Variants in CYB561A3 observed in about 807,000 individuals in gnomAD.
The protein encoded by CYB561A3 is cytochrome b561 family member A3.
Under a neutral mutation model 25.3 loss-of-function variants are expected in CYB561A3, and 16 were observed. That is an observed-to-expected ratio of 0.63 (90% CI 0.43 to 0.96). CYB561A3 has a LOEUF of 0.96. CYB561A3 is among the 40% of genes least tolerant of loss of function. CYB561A3 has a pLI of 0.00. For synonymous variants in CYB561A3, 131 were observed against 129.9 expected (o/e 1.01, Z -0.06); for missense variants, 219 against 307.5 (o/e 0.71, Z 2.15).
At chr11:61,360,388 T>C (rs1857806163) in intron 1 of CYB561A3, 1 of 152,188 alleles carries the variant, frequency 6.6e-6, no homozygotes, top group South Asian at 2.1e-4. Flanking sequence ...AGCAAGCTCT[T>C]CTGTAAAGGT....
At chr11:61,357,321 G>C (rs1212623118) in intron 2 of CYB561A3, 1 of 1,243,610 alleles carries the variant, frequency 8.0e-7, no homozygotes, top group East Asian at 2.6e-5. Context: ...CCTTGAACCA[G>C]CTGATGCCCC....
intron 3 of CYB561A3, 100 bp downstream of exon 3, chr11:61,356,430 C>A: frequency 1.0e-6 from 1 of 966,348 alleles, no homozygotes; most frequent in Non-Finnish European, 1.4e-6. Flanking sequence ...ACCCCCATAG[C>A]CCCAAGCCCA....
At chr11:61,355,049 T>C (rs1022363269) in intron 3 of CYB561A3, among the ~76,000 whole-genome samples, 1 of 152,024 alleles carries the variant, frequency 6.6e-6, no homozygotes, top group Non-Finnish European at 1.5e-5. Flanking sequence ...TTTGTATTTT[T>C]AGTAGAGACG....
chr11:61,354,192 T>G (rs1227344778), intron 3 of CYB561A3, 200 bp from the exon 4 acceptor site: 1 of 629,170 alleles, frequency 1.6e-6, no homozygotes, highest in Non-Finnish European at 2.7e-6. Flanking sequence ...GAAGGGCCAG[T>G]TAAAAAGGGA....
At chr11:61,350,650 C>G (rs1357664098) in intron 6 of CYB561A3, 1 of 614,236 alleles carries the variant, frequency 1.6e-6, no homozygotes, top group Non-Finnish European at 2.8e-6. Flanking sequence ...TCCCACTAGA[C>G]TAGCCCCCAG....
chr11:61,352,770 C>G (rs1403910211), intron 5 of CYB561A3: 24 of 1,403,260 alleles, frequency 1.7e-5, no homozygotes, highest in Non-Finnish European at 2.1e-5. Context: ...TTCTGACACA[C>G]AGCAGGTGCT....
intron 1 of CYB561A3, chr11:61,358,406 G>C (rs1857721203): frequency 7.1e-6 from 1 of 141,396 alleles, no homozygotes; most frequent in Non-Finnish European, 1.5e-5. Flanking sequence ...AGCAATGAGA[G>C]CGAAACTTCA....
intron 3 of CYB561A3, chr11:61,354,739 C>T (rs1411491997): frequency 1.3e-5 from 2 of 152,150 alleles, no homozygotes; most frequent in South Asian, 2.1e-4. Flanking sequence ...TAAAAAGCAT[C>T]ATGACAGTCA....
chr11:61,354,178 G>C (rs1857548245), intron 3 of CYB561A3, 186 bp from the exon 4 acceptor site: 2 of 649,450 alleles, frequency 3.1e-6, no homozygotes, highest in Admixed American at 5.7e-5. Flanking sequence ...ATGAAGGGAG[G>C]AGAGAAGGGC....
At chr11:61,359,515 T>C (rs999223925) in intron 1 of CYB561A3, 7 of 152,158 alleles carry the variant, frequency 4.6e-5, no homozygotes, top group Non-Finnish European at 1.0e-4. Context: ...CAACTGTTTT[T>C]TTTTTCTTTG....
At chr11:61,360,972 T>A (rs1191440215) in intron 1 of CYB561A3, 1 of 106,542 alleles carries the variant, frequency 9.4e-6, no homozygotes, top group African/African-American at 3.4e-5. Context: ...AGTGAGACTC[T>A]GTCTCAGAAA....
intron 4 of CYB561A3, chr11:61,353,435 A>G: frequency 4.7e-6 from 3 of 635,254 alleles, no homozygotes; most frequent in Non-Finnish European, 8.7e-6. Flanking sequence ...CACAGGCCTG[A>G]GATCAGAATA....
intron 3 of CYB561A3, 166 bp from the exon 4 acceptor site, chr11:61,354,158 G>A: frequency 5.6e-6 from 4 of 708,722 alleles, no homozygotes; most frequent in Non-Finnish European, 4.6e-6. Context: ...TGATTTGTGG[G>A]ATAACAGCCA....
At chr11:61,356,503 C>T (rs528972385) in intron 3 of CYB561A3, 27 bp downstream of exon 3, 4 of 1,608,046 alleles carry the variant, frequency 2.5e-6, no homozygotes, top group East Asian at 2.2e-5. Context: ...AGCCCTATCC[C>T]GCCTCCCTTC....
intron 6 of CYB561A3, chr11:61,350,716 G>T: frequency 1.7e-6 from 1 of 592,104 alleles, no homozygotes; most frequent in Non-Finnish European, 2.9e-6. Context: ...CCTTGGGGAA[G>T]AAGATAAGGC....
chr11:61,351,280 C>CTTT, intron 5 of CYB561A3, 133 bp from the exon 6 acceptor site: 5 of 718,928 alleles, frequency 7.0e-6, no homozygotes, highest in South Asian at 3.2e-5. Flanking sequence ...TTTTAACACC[C>CTTT]TTTCTTTTTT....
At chr11:61,354,213 G>T in intron 3 of CYB561A3, 1 of 587,496 alleles carries the variant, frequency 1.7e-6, no homozygotes, top group South Asian at 2.0e-5. Context: ...GGAGTGGTCA[G>T]GCAAGGTGGC....
intron 2 of CYB561A3, 30 bp from the exon 3 acceptor site, chr11:61,356,758 C>A: frequency 6.2e-7 from 1 of 1,607,842 alleles, no homozygotes; most frequent in Non-Finnish European, 8.5e-7. Flanking sequence ...CAAATCTCCA[C>A]TGGCTCAGAT....
chr11:61,356,690 C>G lies in CYB561A3; in HGVS notation c.24G>C (p.Leu8Phe). Residue 8 changes from leucine (L) to phenylalanine (F), a missense_variant, in exon 3 of 7, where the codon TTG becomes TTC. Coordinates refer to ENST00000294072, the MANE Select transcript of CYB561A3 (RefSeq NM_153611.6). ...CCAGGGACCCCAGCAGCAGGCAGGA[C>G]AAGTAGAACCGTCCAGACACCATTC... Reference protein sequence around the residue: MVSGRFYLSCLLLGSLGS... With the variant: MVSGRFYFSCLLLGSLGS... 1 of 1,614,134 alleles carries G rather than the reference C, an allele frequency of 6.2e-7. No individual in the cohort carries two copies. Among genetic ancestry groups the G allele is most frequent in the Non-Finnish European group, 8.5e-7 (1 of 1,180,000 alleles).
Sources: gnomAD v4.1 joint callset for allele counts (sites outside exome capture counted in the v4.1 genomes callset) on GRCh38, gnomAD v4.1.1 for gene constraint, MANE v1.5 for transcripts, NCBI Gene and HGNC (gene_info 2026-07-23, HGNC 2026-07-21) for gene names.